The following PPP1R17 variants were observed in gnomAD, a reference collection of about 807,000 sequenced individuals.
PPP1R17 encodes the protein G-substrate.
Under a neutral mutation model 15.9 loss-of-function variants are expected in PPP1R17, and 12 were observed. The observed-to-expected ratio is 0.75, with a 90% CI of 0.48 to 1.22. The LOEUF (loss-of-function observed/expected upper bound fraction) is 1.22, where lower values mean the gene tolerates loss of function less well. PPP1R17 is among the 50% of genes most tolerant of loss of function. The pLI, the probability that PPP1R17 is intolerant of heterozygous loss-of-function variation, is 0.00. For missense variants in PPP1R17, 211 were observed against 187.3 expected, an observed-to-expected ratio of 1.13 and a Z score of -0.74; for synonymous variants, 63 against 64.5, an observed-to-expected ratio of 0.98 and a Z score of 0.11.
Position 31,697,033 on chromosome 7 carries a change from C to A in PPP1R17, c.304C>A (p.Pro102Thr). ...GAGACATCCAAAGGGCAAAATGATC[C>A]CTGTTCTTCATAACACTGACCTGGA... is the stretch of plus-strand genomic sequence containing the variant. ...QERHPKGKMIPVLHNTDLEQK... is the reference protein window; with the variant it reads ...QERHPKGKMITVLHNTDLEQK... The change falls in exon 4 of 5, where the codon CCT becomes ACT. Residue 102 changes from proline (P) to threonine (T), a missense_variant. Pro to Thr is a conservative substitution (Grantham distance 38). Transcript: ENST00000342032. The A allele has an allele frequency of 6.2e-7, 1 of 1,614,002 alleles. No homozygotes were observed. The highest frequency in any genetic ancestry group is 8.5e-7 in the Non-Finnish European group (1 of 1,179,980).
chr7:31,689,706 A>T (rs901454953), intron 1 of PPP1R17, among the ~76,000 whole-genome samples: 2 of 151,488 alleles, frequency 1.3e-5, no homozygotes, highest in African/African-American at 4.9e-5. Context: ...CCAACACTAA[A>T]CTCCAAATGT....
At chr7:31,699,377 A>T (rs1385730172) in intron 4 of PPP1R17, among the ~76,000 whole-genome samples, 1 of 152,214 alleles carries the variant, frequency 6.6e-6, no homozygotes, top group East Asian at 1.9e-4. Context: ...CTCCCGTGAA[A>T]GGGCCTTCAC....
chr7:31,697,259 T>A, intron 4 of PPP1R17, 142 bp downstream of exon 4: 1 of 1,020,074 alleles, frequency 9.8e-7, no homozygotes, highest in Non-Finnish European at 1.4e-6. Context: ...GAAGCCACAC[T>A]CAGTGCTACC....
Position 31,695,550 on chromosome 7 carries a change from A to C in PPP1R17, c.164A>C (p.Asn55Thr). The C allele has an allele frequency of 1.9e-6, 3 of 1,614,062 alleles. No homozygotes were observed. Among genetic ancestry groups the C allele is most frequent in the Non-Finnish European group, 2.5e-6 (3 of 1,179,984 alleles). The stretch of plus-strand genomic sequence containing the variant: ...GGAAAAAATGTACAGGCCACCCTGA[A>C]TGTTGAGTCAGACCAAAAAAAACCA... ...RKGKNVQATLNVESDQKKPRR... is the reference protein window; with the variant it reads ...RKGKNVQATLTVESDQKKPRR... Residue 55 changes from asparagine to threonine, a missense_variant, in exon 3 of 5, where the codon AAT (asparagine) becomes ACT (threonine). Coordinates refer to ENST00000342032, the MANE Select transcript of PPP1R17 (RefSeq NM_006658.5).
At chr7:31,690,483 T>C (rs1434158854) in intron 1 of PPP1R17, among the ~76,000 whole-genome samples, 1 of 152,222 alleles carries the variant, frequency 6.6e-6, no homozygotes. Context: ...TGTAGCAGAC[T>C]TAACTTGTGT....
At chr7:31,700,226 A>G (rs1792784366) in intron 4 of PPP1R17, among the ~76,000 whole-genome samples, 1 of 152,222 alleles carries the variant, frequency 6.6e-6, no homozygotes. Flanking sequence ...AAGGAAATTA[A>G]AAGTTCTACT....
intron 1 of PPP1R17, among the ~76,000 whole-genome samples, chr7:31,691,451 T>C (rs987106043): frequency 1.3e-5 from 2 of 152,178 alleles, no homozygotes; most frequent in African/African-American, 4.8e-5. Context: ...AGTAATAAAT[T>C]ATCTAAAAAG....
rs779272789 is a variant in PPP1R17 at position 31,707,936 on chromosome 7, G to A, written c.*653G>A. The A allele has an allele frequency of 6.6e-6, 1 of 152,160 alleles. No homozygotes were observed. Among genetic ancestry groups the A allele is most frequent in the Non-Finnish European group, 1.5e-5 (1 of 68,034 alleles). The allele number at this position is 152,160 out of a possible 1,614,324, so 9.4% of individuals were successfully genotyped here. On this transcript the variant is annotated 3_prime_UTR_variant, in exon 5 of 5. Coordinates refer to ENST00000342032, the MANE Select transcript of PPP1R17 (RefSeq NM_006658.5). ...AGTGCTGGTCTGTCTGGGAAGCTTA[G>A]CAATGTATCTTCAAATTTATTTTTG...
intron 3 of PPP1R17, among the ~76,000 whole-genome samples, chr7:31,696,526 G>A (rs965869521): frequency 2.0e-5 from 3 of 152,196 alleles, no homozygotes; most frequent in African/African-American, 7.2e-5. Context: ...GAAAGCAGGA[G>A]GGCGGAGGTA....
rs982065490 is a variant in PPP1R17 at position 31,707,236 on chromosome 7, G to A, written c.421G>A (p.Ala141Thr). 6.2e-7 allele frequency: 1 copy of A among 1,614,054 alleles called. No homozygotes were observed. Among genetic ancestry groups the A allele is most frequent in the Non-Finnish European group, 8.5e-7 (1 of 1,179,950 alleles). ...ATTGCTCAGGGACGAGAGACCCAAA[G>A]CAATCGTGGAAGATGACGAAAAGGA... ...VTLLRDERPKAIVEDDEKDGD... is the reference protein window; with the variant it reads ...VTLLRDERPKTIVEDDEKDGD... The change falls in exon 5 of 5, where the codon GCA becomes ACA. Residue 141 changes from alanine to threonine, a missense_variant. Transcript: ENST00000342032.
intron 4 of PPP1R17, among the ~76,000 whole-genome samples, chr7:31,702,607 C>T (rs1170461659): frequency 3.9e-5 from 6 of 152,204 alleles, no homozygotes; most frequent in Admixed American, 3.3e-4. Flanking sequence ...ATACCCAAAA[C>T]TTTGTCATCT....
intron 1 of PPP1R17, among the ~76,000 whole-genome samples, chr7:31,688,704 G>A (rs887775452): frequency 6.6e-6 from 1 of 152,202 alleles, no homozygotes; most frequent in Non-Finnish European, 1.5e-5. Context: ...TGTCCCTTGT[G>A]AAAAGGAAGG....
At chr7:31,694,098 C>A (rs1405025343) in intron 2 of PPP1R17, among the ~76,000 whole-genome samples, 1 of 151,984 alleles carries the variant, frequency 6.6e-6, no homozygotes, top group Non-Finnish European at 1.5e-5. Flanking sequence ...AGATAAGGCA[C>A]CTGTCAGTAA....
At chr7:31,688,330 T>C (rs1395418503) in intron 1 of PPP1R17, among the ~76,000 whole-genome samples, 2 of 152,216 alleles carry the variant, frequency 1.3e-5, no homozygotes, top group Non-Finnish European at 2.9e-5. Flanking sequence ...CTACCTTATA[T>C]TGACTCACAG....
In PPP1R17 at chr7:31,707,540, TGAG is replaced by T. The variant is rs1228407442; in HGVS notation, c.*262_*264del. ...TGGAAAAGAAACAGATCATCCTAAA[TGAG>T]GAGGTAACAGGGAAAGCACTGGGGT... is the stretch of plus-strand genomic sequence containing the variant. On this transcript the variant is annotated 3_prime_UTR_variant, in exon 5 of 5. Coordinates refer to ENST00000342032, the MANE Select transcript of PPP1R17 (RefSeq NM_006658.5). 7 of 431,188 alleles carry T rather than the reference TGAG, an allele frequency of 1.6e-5. No homozygotes were observed. The highest frequency in any genetic ancestry group is 1.2e-4 in the African/African-American group (6 of 49,508). 26.7% of individuals were successfully genotyped at this position (431,188 alleles called of 1,614,324 possible).
intron 4 of PPP1R17, among the ~76,000 whole-genome samples, chr7:31,706,005 T>TC (rs1793054555): frequency 7.9e-6 from 1 of 127,244 alleles, no homozygotes; most frequent in Admixed American, 7.9e-5. Context: ...TTTTTTTTTT[T>TC]TTTTTTTTTT....
At chr7:31,695,826 T>C in intron 3 of PPP1R17, 1 of 396,198 alleles carries the variant, frequency 2.5e-6, no homozygotes. Context: ...ACAATAAAAG[T>C]TTATTTTTTT....
intron 2 of PPP1R17, among the ~76,000 whole-genome samples, chr7:31,694,192 A>C (rs1381913874): frequency 6.6e-6 from 1 of 152,202 alleles, no homozygotes; most frequent in Non-Finnish European, 1.5e-5. Flanking sequence ...GTGGATATTA[A>C]GAAAATGAGA....
Position 31,707,338 on chromosome 7 carries a change from C to A in PPP1R17, c.*55C>A. ...AGGTTAGATTGGTTCCCTGTGGTGA[C>A]CTAGAGAAAAAATAGACTTGTTTCT... On this transcript the variant is annotated 3_prime_UTR_variant, in exon 5 of 5. Transcript: ENST00000342032. The A allele has an allele frequency of 1.4e-6, 2 of 1,459,358 alleles. No homozygotes were observed. The highest frequency in any genetic ancestry group is 3.9e-5 in the Admixed American group (2 of 50,998). The allele number at this position is 1,459,358 out of a possible 1,614,324, so 90.4% of individuals were successfully genotyped here.
Sources: allele counts gnomAD v4.1 joint callset (sites outside exome capture counted in the v4.1 genomes callset), GRCh38; gene constraint gnomAD v4.1.1; transcripts MANE v1.5; gene names NCBI Gene and HGNC (gene_info 2026-07-23, HGNC 2026-07-21).